ADAMTSL1: variants seen among roughly 807,000 people sequenced by gnomAD.
ADAMTSL1 encodes the protein ADAMTS like 1, also known as ADAMTS-like protein 1.
ADAMTSL1 carries 126 observed loss-of-function variants against 201.8 expected under a neutral mutation model. The observed-to-expected ratio is 0.62, with a 90% CI of 0.54 to 0.72. The LOEUF is 0.72. ADAMTSL1 is among the 30% of genes least tolerant of loss of function. The pLI, the probability that ADAMTSL1 is intolerant of heterozygous loss-of-function variation, is 0.00. For missense variants in ADAMTSL1, 2,679 were observed against 2,277.8 expected (o/e 1.18, Z -3.59); for synonymous variants, 1,121 against 903.4 (o/e 1.24, Z -4.32).
chr9:18,313,413 C>G (rs1834231114), intron 2 of ADAMTSL1, among the ~76,000 whole-genome samples: 1 of 152,140 alleles, frequency 6.6e-6, no homozygotes, highest in South Asian at 2.1e-4. Flanking sequence ...TTTTAACAAA[C>G]ATTTAAAGAA....
At chr9:18,173,283 G>A (rs751498562) in intron 2 of ADAMTSL1, among the ~76,000 whole-genome samples, 1 of 152,118 alleles carries the variant, frequency 6.6e-6, no homozygotes, top group Non-Finnish European at 1.5e-5. Context: ...GACAACGCTC[G>A]GTGCCCAAGA....
At chr9:18,045,160 A>G (rs990754541) in intron 1 of ADAMTSL1, among the ~76,000 whole-genome samples, 6 of 152,152 alleles carry the variant, frequency 3.9e-5, no homozygotes, top group African/African-American at 1.4e-4. Context: ...ACACTAACGT[A>G]TATGAGTCTT....
intron 2 of ADAMTSL1, among the ~76,000 whole-genome samples, chr9:18,241,485 C>T (rs73643206): frequency 0.017 from 2,599 of 152,104 alleles, 66 homozygotes; most frequent in African/African-American, 0.059. Flanking sequence ...TCCTTTCAGG[C>T]TATTAATATT....
chr9:18,450,506 T>C lies in ADAMTSL1; in HGVS notation c.208-54323T>C, dbSNP rs146914380. On this transcript the variant is annotated intron_variant, in intron 2 of 29. Coordinates refer to the ADAMTSL1 transcript ENST00000680146. ...TATCTTTCAGTTGAAATGGATGTGT[T>C]AATATGTAGCTGCATGAAAACCATA... Among the ~76,000 whole-genome samples the C allele has an allele frequency of 7.4e-4, 112 of 152,244 alleles. 2 individuals carry two copies. In the East Asian group the frequency reaches 0.02, roughly 27 times the overall value.
chr9:18,067,213 G>A (rs1822745106), intron 1 of ADAMTSL1, among the ~76,000 whole-genome samples: 1 of 152,150 alleles, frequency 6.6e-6, no homozygotes, highest in Non-Finnish European at 1.5e-5. Context: ...TACTAGCCAT[G>A]TAAATTTCAT....
At chr9:18,315,961 T>G in intron 2 of ADAMTSL1, among the ~76,000 whole-genome samples, 1 of 152,166 alleles carries the variant, frequency 6.6e-6, no homozygotes, top group East Asian at 1.9e-4. Context: ...CTATTTTCCC[T>G]AAGCATCAGC....
chr9:18,407,312 G>A lies in ADAMTSL1; in HGVS notation c.208-97517G>A, dbSNP rs1329960841. Among the ~76,000 whole-genome samples the A allele has an allele frequency of 3.9e-5, 6 of 152,204 alleles. No homozygotes were observed. The East Asian group carries it at 1.2e-3, about 29-fold the overall frequency. On this transcript the variant is annotated intron_variant, in intron 2 of 29. Transcript: ENST00000680146. The stretch of plus-strand genomic sequence containing the variant: ...TTGATCCTGTGAGAAGAAATAGAAT[G>A]TGTGCAGACCCAAAAGCATGAGGGA...
At chr9:18,588,893 A>T (rs1823718527) in intron 4 of ADAMTSL1, among the ~76,000 whole-genome samples, 1 of 116,506 alleles carries the variant, frequency 8.6e-6, no homozygotes, top group South Asian at 2.9e-4. Flanking sequence ...ACATATATAT[A>T]TATATATATA....
In ADAMTSL1 at chr9:18,110,874, C is replaced by T. The variant is rs576501678; in HGVS notation, c.88-52988C>T. ...ATAAGAGTCAACTGAACCACCCCTC[C>T]CATAATATGTATCAGTTGACTCGGG... On this transcript the variant is annotated intron_variant, in intron 1 of 29. Coordinates refer to the ADAMTSL1 transcript ENST00000680146. 1.9e-4 allele frequency among the ~76,000 whole-genome samples: 29 copies of T among 152,230 alleles called. No individual in the cohort carries two copies. In the South Asian group the frequency reaches 5.6e-3, roughly 29 times the overall value.
At chr9:18,471,532 A>T (rs1479043844), upstream of ADAMTSL1, among the ~76,000 whole-genome samples, 1 of 152,214 alleles carries the variant, frequency 6.6e-6, no homozygotes, top group African/African-American at 2.4e-5. Context: ...CATCAAAATT[A>T]GTTCATGACC....
chr9:18,512,358 T>G (rs1818086879), intron 2 of ADAMTSL1, among the ~76,000 whole-genome samples: 1 of 152,128 alleles, frequency 6.6e-6, no homozygotes, highest in South Asian at 2.1e-4. Flanking sequence ...GAATAAAAGA[T>G]GGTTAGAAAT....
intron 4 of ADAMTSL1, among the ~76,000 whole-genome samples, chr9:18,605,640 A>T (rs1369099809): frequency 6.6e-6 from 1 of 152,118 alleles, no homozygotes; most frequent in African/African-American, 2.4e-5. Context: ...AACTCTTCCT[A>T]TATCCCTCAT....
At chr9:18,368,037 C>G (rs1480039938) in intron 2 of ADAMTSL1, among the ~76,000 whole-genome samples, 4 of 151,774 alleles carry the variant, frequency 2.6e-5, no homozygotes, top group Non-Finnish European at 2.9e-5. Flanking sequence ...GTAGCTGGGA[C>G]TACAGGCGCC....
intron 23 of ADAMTSL1, among the ~76,000 whole-genome samples, chr9:18,845,254 C>T (rs892593196): frequency 6.5e-4 from 98 of 151,936 alleles, no homozygotes; most frequent in Non-Finnish European, 1.9e-4. Flanking sequence ...CCTCACAAAT[C>T]TCCATTGGAG....
chr9:17,962,485 C>G (rs1817794624), intron 1 of ADAMTSL1, among the ~76,000 whole-genome samples: 1 of 152,070 alleles, frequency 6.6e-6, no homozygotes, highest in African/African-American at 2.4e-5. Context: ...CTTACACAAC[C>G]AATGTTAGAG....
chr9:17,966,173 A>G (rs1240853414), intron 1 of ADAMTSL1, among the ~76,000 whole-genome samples: 2 of 152,178 alleles, frequency 1.3e-5, no homozygotes, highest in Non-Finnish European at 2.9e-5. Flanking sequence ...AATACTCATC[A>G]ATGAATACCT....
At chr9:18,294,276 A>T (rs1833385853) in intron 2 of ADAMTSL1, among the ~76,000 whole-genome samples, 1 of 152,196 alleles carries the variant, frequency 6.6e-6, no homozygotes, top group African/African-American at 2.4e-5. Context: ...ATAAACTTAG[A>T]ATTCTTCAGG....
chr9:18,284,038 C>G (rs1832902815), intron 2 of ADAMTSL1, among the ~76,000 whole-genome samples: 1 of 151,660 alleles, frequency 6.6e-6, no homozygotes, highest in Admixed American at 6.6e-5. Flanking sequence ...CGAGACCAGC[C>G]TCACCAACAT....
intron 1 of ADAMTSL1, among the ~76,000 whole-genome samples, chr9:18,099,868 C>T (rs144374944): frequency 9.2e-5 from 14 of 152,062 alleles, no homozygotes; most frequent in African/African-American, 3.1e-4. Flanking sequence ...CCTCGTGATC[C>T]GCCCACCTCA....
Sources: gnomAD v4.1 joint callset for allele counts (sites outside exome capture counted in the v4.1 genomes callset) on GRCh38, gnomAD v4.1.1 for gene constraint, MANE v1.5 for transcripts, NCBI Gene and HGNC (gene_info 2026-07-23, HGNC 2026-07-21) for gene names.